Variants in TNFSF4 observed in about 807,000 individuals in gnomAD.
TNFSF4 encodes the protein TNF superfamily member 4, also known as tumor necrosis factor ligand superfamily member 4.
TNFSF4 carries 4 observed loss-of-function variants against 7.3 expected under a neutral mutation model. The ratio of observed to expected loss-of-function variants is 0.55; its 90% CI spans 0.27 to 1.25. TNFSF4 has a LOEUF of 1.25. Among genes scored for constraint, TNFSF4 ranks in the 50% most tolerant of loss-of-function variants. The pLI is 0.12. For missense variants in TNFSF4, 181 were observed against 208.8 expected (o/e 0.87, Z 0.82); for synonymous variants, 76 against 83.7 (o/e 0.91, Z 0.50).
the TNFSF4 span, among the ~76,000 whole-genome samples, chr1:173,295,477 C>G: frequency 1.1e-4 from 16 of 152,106 alleles, no homozygotes; most frequent in East Asian, 2.9e-3. Flanking sequence ...TTTGAAAGCT[C>G]TTGCTCATGT....
intron 2 of TNFSF4, 71 bp downstream of exon 2, chr1:173,188,450 G>C: frequency 8.3e-7 from 1 of 1,209,262 alleles, no homozygotes; most frequent in Non-Finnish European, 1.2e-6. Context: ...TTGTGTTCTA[G>C]AGGAAATTAA....
At chr1:173,395,030 A>AGATGATT in the TNFSF4 span, among the ~76,000 whole-genome samples, 1 of 90,974 alleles carries the variant, frequency 1.1e-5, no homozygotes, top group Non-Finnish European at 2.3e-5. Flanking sequence ...ATAGATAGAT[A>AGATGATT]GATAGATGAT....
At chr1:173,394,919 G>GAGATAGATAGATAGAT in the TNFSF4 span, among the ~76,000 whole-genome samples, 26 of 150,122 alleles carry the variant, frequency 1.7e-4, no homozygotes, top group African/African-American at 4.0e-4. Context: ...TAGATAGATA[G>GAGATAGATAGATAGAT]AGATAGATAG....
At chr1:173,438,229 T>C in the TNFSF4 span, among the ~76,000 whole-genome samples, 1 of 152,182 alleles carries the variant, frequency 6.6e-6, no homozygotes, top group Non-Finnish European at 1.5e-5. Context: ...TTAAAACCTA[T>C]ACAACATGAA....
At chr1:173,251,926 C>T in the TNFSF4 span, among the ~76,000 whole-genome samples, 11 of 152,062 alleles carry the variant, frequency 7.2e-5, no homozygotes, top group African/African-American at 1.9e-4. Flanking sequence ...AACACAGGAA[C>T]GTGTCCTTTG....
the TNFSF4 span, among the ~76,000 whole-genome samples, chr1:173,404,398 G>C: frequency 6.6e-6 from 1 of 152,348 alleles, no homozygotes; most frequent in Admixed American, 6.5e-5. Flanking sequence ...GAGGGAAGTA[G>C]CACCTACAGC....
the TNFSF4 span, among the ~76,000 whole-genome samples, chr1:173,230,515 A>T: frequency 6.6e-6 from 1 of 152,232 alleles, no homozygotes; most frequent in African/African-American, 2.4e-5. Flanking sequence ...TCACAATTAA[A>T]AGAACTAGAG....
At chr1:173,234,685 A>G in the TNFSF4 span, among the ~76,000 whole-genome samples, 2 of 152,226 alleles carry the variant, frequency 1.3e-5, no homozygotes, top group Admixed American at 1.3e-4. Flanking sequence ...TCAGGAAACT[A>G]TCGCAAGGAC....
At chr1:173,219,114 A>C in the TNFSF4 span, among the ~76,000 whole-genome samples, 67 of 152,202 alleles carry the variant, frequency 4.4e-4, no homozygotes, top group Non-Finnish European at 7.6e-4. Flanking sequence ...AGAGACACCT[A>C]CTTTGTTTTA....
At chr1:173,411,271 G>A in the TNFSF4 span, among the ~76,000 whole-genome samples, 1 of 152,146 alleles carries the variant, frequency 6.6e-6, no homozygotes. Flanking sequence ...TCAGGGGCAG[G>A]GGCAGGGGCG....
At chr1:173,377,357 T>C in the TNFSF4 span, among the ~76,000 whole-genome samples, 1 of 152,084 alleles carries the variant, frequency 6.6e-6, no homozygotes, top group Non-Finnish European at 1.5e-5. Context: ...GGAAAAGGGC[T>C]CTCTAACAAC....
chr1:173,314,515 G>T, the TNFSF4 span, among the ~76,000 whole-genome samples: 1 of 152,012 alleles, frequency 6.6e-6, no homozygotes, highest in Non-Finnish European at 1.5e-5. Flanking sequence ...TGTTTCCATA[G>T]CACATCCATT....
At chr1:173,265,894 C>T in the TNFSF4 span, among the ~76,000 whole-genome samples, 5,811 of 152,190 alleles carry the variant, frequency 0.038, 156 homozygotes, top group South Asian at 0.096. Context: ...CTCCCTATTG[C>T]AAAAGTCATA....
the TNFSF4 span, among the ~76,000 whole-genome samples, chr1:173,387,504 C>T: frequency 6.6e-6 from 1 of 152,260 alleles, no homozygotes; most frequent in Middle Eastern, 3.4e-3. Context: ...TATAAGCTAT[C>T]TAGTCATAGG....
chr1:173,283,280 AC>A, the TNFSF4 span, among the ~76,000 whole-genome samples: 2 of 151,848 alleles, frequency 1.3e-5, no homozygotes, highest in Non-Finnish European at 2.9e-5. Context: ...CAACTTTCTC[AC>A]CCCATCCTTT....
the TNFSF4 span, among the ~76,000 whole-genome samples, chr1:173,316,631 A>G: frequency 6.6e-6 from 1 of 152,062 alleles, no homozygotes; most frequent in African/African-American, 2.4e-5. Context: ...GTGAAAGGCC[A>G]TTTTCCCCCA....
chr1:173,422,226 A>G, the TNFSF4 span, among the ~76,000 whole-genome samples: 1 of 149,186 alleles, frequency 6.7e-6, no homozygotes, highest in Admixed American at 6.6e-5. Context: ...ACCAATGGCC[A>G]TTACCAATGG....
At chr1:173,257,397 T>C in the TNFSF4 span, among the ~76,000 whole-genome samples, 1 of 152,128 alleles carries the variant, frequency 6.6e-6, no homozygotes, top group African/African-American at 2.4e-5. Flanking sequence ...CTACCCAGAG[T>C]TGGGCCAAAC....
the TNFSF4 span, among the ~76,000 whole-genome samples, chr1:173,287,050 G>T: frequency 1.3e-5 from 2 of 152,162 alleles, no homozygotes; most frequent in African/African-American, 2.4e-5. Flanking sequence ...GGGCACAGCA[G>T]CTCATGCCTA....
Sources: allele counts gnomAD v4.1 joint callset (sites outside exome capture counted in the v4.1 genomes callset), GRCh38; gene constraint gnomAD v4.1.1; transcripts MANE v1.5; gene names NCBI Gene and HGNC (gene_info 2026-07-23, HGNC 2026-07-21).